Variants in ESCO2 observed in about 807,000 individuals in gnomAD.
The protein encoded by ESCO2 is establishment of sister chromatid cohesion N-acetyltransferase 2.
A neutral mutation model predicts 61.7 loss-of-function variants in ESCO2; 51 were observed. The ratio of observed to expected loss-of-function variants is 0.83; its 90% CI spans 0.66 to 1.04. The LOEUF is 1.04. Ranked by LOEUF, ESCO2 falls within the 50% of genes least tolerant of loss-of-function variation. The pLI, the probability that ESCO2 is intolerant of heterozygous loss-of-function variation, is 0.00. For missense variants in ESCO2, 692 were observed against 686.2 expected (o/e 1.01, Z -0.09); for synonymous variants, 230 against 238.2 (o/e 0.97, Z 0.32).
At chr8:27,780,333 ATAATTC>A in intron 4 of ESCO2, 66 bp downstream of exon 4, 1 of 1,052,330 alleles carries the variant, frequency 9.5e-7, no homozygotes, top group South Asian at 1.3e-5. Flanking sequence ...TTATACAATA[ATAATTC>A]TTGTAATTTC....
chr8:27,787,672 C>G (rs1477005351), intron 5 of ESCO2, among the ~76,000 whole-genome samples: 1 of 152,214 alleles, frequency 6.6e-6, no homozygotes, highest in Non-Finnish European at 1.5e-5. Flanking sequence ...AGTGTTAACA[C>G]TGCCATTTAC....
chr8:27,812,564 C>A (rs558676707), downstream of ESCO2: 1 of 150,540 alleles, frequency 6.6e-6, no homozygotes, highest in South Asian at 2.1e-4. Flanking sequence ...TTTTTGCAAT[C>A]GACCTATCTG....
At chr8:27,774,055 A>G (rs1248734951), upstream of ESCO2, among the ~76,000 whole-genome samples, 2 of 152,266 alleles carry the variant, frequency 1.3e-5, no homozygotes, top group African/African-American at 4.8e-5. Flanking sequence ...GTTAAGTTTT[A>G]TATTTTAATT....
In ESCO2 at chr8:27,803,467, A is replaced by G. The variant is rs1439323667; in HGVS notation, c.*29A>G. 6.2e-7 allele frequency: 1 copy of G among 1,610,774 alleles called. No homozygotes were observed. The highest frequency in any genetic ancestry group is 1.3e-5 in the African/African-American group (1 of 74,814). ...TGATTTCAGTTATAAAGGAGTTACT[A>G]TCTGGATAAGTTCAAAGAGCTCCTT... On this transcript the variant is annotated 3_prime_UTR_variant, in exon 11 of 11. Coordinates refer to ENST00000305188, the MANE Select transcript of ESCO2 (RefSeq NM_001017420.3).
downstream of ESCO2, chr8:27,809,513 C>CT (rs1452673055): frequency 2.0e-5 from 3 of 152,120 alleles, no homozygotes; most frequent in Non-Finnish European, 4.4e-5. Flanking sequence ...ATCCAAAACA[C>CT]TTTATAGATT....
chr8:27,775,175 G>A (rs1188588810), intron 1 of ESCO2, among the ~76,000 whole-genome samples: 1 of 152,218 alleles, frequency 6.6e-6, no homozygotes, highest in Non-Finnish European at 1.5e-5. Context: ...TCATCAGCTA[G>A]GAAAATGGCA....
chr8:27,811,009 T>G (rs36086402), downstream of ESCO2: 9 of 1,612,566 alleles, frequency 5.6e-6, no homozygotes, highest in Non-Finnish European at 7.6e-6. Context: ...GATAAAGTCA[T>G]CATTTCCCAC....
chr8:27,804,708 T>G lies in ESCO2; in HGVS notation c.*1270T>G. On this transcript the variant is annotated 3_prime_UTR_variant, in exon 11 of 11. Coordinates refer to ENST00000305188, the MANE Select transcript of ESCO2 (RefSeq NM_001017420.3). Reference sequence around the variant, plus strand: ...GCATTCATTTTATTTGCCTGTAAGTTAACATGTTTCCAAAATTTAAAAGCC... The same window carrying G: ...GCATTCATTTTATTTGCCTGTAAGTGAACATGTTTCCAAAATTTAAAAGCC... The G allele has an allele frequency of 2.0e-6, 2 of 985,366 alleles. No homozygotes were observed. Among genetic ancestry groups the G allele is most frequent in the Non-Finnish European group, 2.4e-6 (2 of 829,836 alleles). 61.0% of individuals were successfully genotyped at this position (985,366 alleles called of 1,614,324 possible).
rs1305655363 is a variant in ESCO2, at chr8:27,776,479, A to T, written c.171A>T (p.Leu57Phe). The change falls in exon 3 of 11, where the codon TTA becomes TTT. Residue 57 changes from leucine to phenylalanine, a missense_variant. Leu to Phe is a conservative substitution (Grantham distance 22). Transcript: ENST00000305188. ...LHCSQQEHFV[L>F]SALKTTEINR... ...GCTCTCAACAAGAGCATTTTGTTTT[A>T]AGTGCGCTCAAAACAACTGAAATAA... is the stretch of plus-strand genomic sequence containing the variant. 1 of 1,612,742 alleles carries T rather than the reference A, an allele frequency of 6.2e-7. No homozygotes were observed.
chr8:27,812,492 C>T (rs567037291), downstream of ESCO2: 3 of 152,144 alleles, frequency 2.0e-5, no homozygotes, highest in Admixed American at 6.6e-5. Flanking sequence ...AATTAAAGAG[C>T]TTCTGCACAG....
intron 7 of ESCO2, 93 bp downstream of exon 7, chr8:27,789,071 TAAC>T: frequency 6.7e-7 from 1 of 1,485,166 alleles, no homozygotes; most frequent in South Asian, 1.2e-5. Flanking sequence ...CCGGAAAAGT[TAAC>T]TTTTAATGAT....
chr8:27,807,733 G>A (rs1222875031), downstream of ESCO2, among the ~76,000 whole-genome samples: 1 of 152,172 alleles, frequency 6.6e-6, no homozygotes, highest in Non-Finnish European at 1.5e-5. Context: ...CCATTGGAAG[G>A]GAGGTACTAT....
chr8:27,777,299 A>G (rs1804816937), intron 3 of ESCO2, 130 bp downstream of exon 3: 1 of 852,974 alleles, frequency 1.2e-6, no homozygotes, highest in Non-Finnish European at 1.7e-6. Flanking sequence ...AGTTACTGTA[A>G]GGAGTTTATT....
intron 5 of ESCO2, among the ~76,000 whole-genome samples, chr8:27,785,751 G>A (rs1180193743): frequency 3.3e-5 from 5 of 151,378 alleles, no homozygotes; most frequent in Admixed American, 3.3e-4. Context: ...ATATGATATT[G>A]CTCTTTTTGT....
At position 27,804,857 on chromosome 8, in the gene ESCO2, C is replaced by T; in HGVS notation, c.*1419C>T. On this transcript the variant is annotated 3_prime_UTR_variant, in exon 11 of 11. Transcript: ENST00000305188. ...AAATTTTTAATTAACATTTTGTTTG[C>T]TTAATGCTTTTGTTATGAATCAATT... The T allele has an allele frequency of 1.4e-6, 1 of 730,546 alleles. No individual in the cohort carries two copies. The highest frequency in any genetic ancestry group is 1.7e-6 in the Non-Finnish European group (1 of 597,304). The allele number at this position is 730,546 out of a possible 1,614,324, so 45.3% of individuals were successfully genotyped here. A position where few individuals can be genotyped will look rare whatever the true frequency, so the allele number is the denominator to read the frequency against.
At chr8:27,810,207 A>T (rs569262311), downstream of ESCO2, 4 of 795,740 alleles carry the variant, frequency 5.0e-6, no homozygotes, top group Non-Finnish European at 6.3e-6. Flanking sequence ...GTCCTCAAAT[A>T]TGCCAATTTT....
At chr8:27,806,384 A>G (rs1805563644), downstream of ESCO2, among the ~76,000 whole-genome samples, 1 of 152,190 alleles carries the variant, frequency 6.6e-6, no homozygotes, top group Non-Finnish European at 1.5e-5. Flanking sequence ...TTATGCTAAT[A>G]CCAGACTGTG....
Position 27,780,162 on chromosome 8 carries a change from AC to A in ESCO2, c.862-10del, listed in dbSNP as rs1393611235. ...TACAGATGTTTGGTTTTTTTTTTAA[AC>A]CTATTTTCAGGATTCATCAGATGAC... is the stretch of plus-strand genomic sequence containing the variant. On this transcript the variant is annotated splice_polypyrimidine_tract_variant and intron_variant, in intron 3 of 10. Transcript: ENST00000305188. The A allele has an allele frequency of 6.5e-7, 1 of 1,533,754 alleles. No homozygotes were observed. Among genetic ancestry groups the A allele is most frequent in the African/African-American group, 1.4e-5 (1 of 72,958 alleles).
intron 4 of ESCO2, among the ~76,000 whole-genome samples, chr8:27,782,313 G>A (rs768972445): frequency 2.0e-5 from 3 of 152,160 alleles, no homozygotes; most frequent in African/African-American, 4.8e-5. Flanking sequence ...CCAGGCTGGA[G>A]TGCAATGGCG....
Sources: gnomAD v4.1 joint callset for allele counts (sites outside exome capture counted in the v4.1 genomes callset) on GRCh38, gnomAD v4.1.1 for gene constraint, MANE v1.5 for transcripts, NCBI Gene and HGNC (gene_info 2026-07-23, HGNC 2026-07-21) for gene names.